The following INTS14 variants were observed in gnomAD, a reference collection of about 807,000 sequenced individuals.
INTS14 encodes UPF0464 protein C15orf44.
INTS14 carries 27 observed loss-of-function variants against 56.9 expected under a neutral mutation model. The ratio of observed to expected loss-of-function variants is 0.47; its 90% CI spans 0.35 to 0.65. INTS14 has a LOEUF of 0.65. Ranked by LOEUF, INTS14 falls within the 30% of genes least tolerant of loss-of-function variation. INTS14 has a pLI of 0.00. For synonymous variants in INTS14, 207 were observed against 236.2 expected (o/e 0.88, Z 1.13); for missense variants, 517 against 632.2 (o/e 0.82, Z 1.95).
At chr15:65,588,339 G>A (rs1221652865) in intron 9 of INTS14, among the ~76,000 whole-genome samples, 3 of 151,604 alleles carry the variant, frequency 2.0e-5, no homozygotes, top group Non-Finnish European at 4.4e-5. Flanking sequence ...GGGAACCCCT[G>A]ACAGAAATAG....
Position 65,584,886 on chromosome 15 carries a change from C to A in INTS14, c.1123G>T (p.Ala375Ser). ...KMAQLGPISD[A>S]KENPYGEDDN... ...TCCTCGCCATAAGGGTTTTCTTTAG[C>A]ATCTTAAAAGAAAAGACATTCTTGA... The change falls in exon 10 of 12, where the codon GCT (alanine) becomes TCT (serine). Residue 375 changes from alanine to serine, a missense_variant and splice_region_variant. Coordinates refer to ENST00000313182, the MANE Select transcript of INTS14 (RefSeq NM_001394796.1). 6.2e-7 allele frequency: 1 copy of A among 1,605,844 alleles called. No homozygotes were observed. The highest frequency in any genetic ancestry group is 8.5e-7 in the Non-Finnish European group (1 of 1,176,402).
chr15:65,598,436 A>G lies in INTS14; in HGVS notation c.633T>C (p.Pro211=). ...FGKLIDLAYT[P]FHAVLKCGHL... ...GGCCACACTTGAGAACAGCATGGAA[A>G]GGCGTATATGCCAAATCTATCAGTT... Residue 211 remains proline (P), a synonymous_variant, in exon 6 of 12, where the codon CCT becomes CCC. Coordinates refer to ENST00000313182, the MANE Select transcript of INTS14 (RefSeq NM_001394796.1). 6.2e-7 allele frequency: 1 copy of G among 1,614,058 alleles called. No individual in the cohort carries two copies. Among genetic ancestry groups the G allele is most frequent in the Non-Finnish European group, 8.5e-7 (1 of 1,179,922 alleles).
intron 3 of INTS14, among the ~76,000 whole-genome samples, chr15:65,600,214 G>A (rs1427564540): frequency 6.6e-6 from 1 of 152,178 alleles, no homozygotes; most frequent in East Asian, 1.9e-4. Flanking sequence ...GGGAGGCTGA[G>A]GTGGGAGGAT....
At chr15:65,584,209 T>C (rs1459667418) in intron 10 of INTS14, among the ~76,000 whole-genome samples, 1 of 152,222 alleles carries the variant, frequency 6.6e-6, no homozygotes, top group African/African-American at 2.4e-5. Flanking sequence ...TTGATAATCA[T>C]ATTATCATAA....
At chr15:65,606,537 G>C (rs1164209171) in intron 2 of INTS14, among the ~76,000 whole-genome samples, 2 of 151,660 alleles carry the variant, frequency 1.3e-5, no homozygotes, top group Non-Finnish European at 2.9e-5. Flanking sequence ...TTACAGGCGT[G>C]AGCCACCACA....
intron 9 of INTS14, among the ~76,000 whole-genome samples, chr15:65,588,079 G>A (rs919234759): frequency 4.6e-5 from 7 of 151,894 alleles, no homozygotes; most frequent in Non-Finnish European, 7.4e-5. Context: ...CTTGAGGTCA[G>A]GAGTTTTGAG....
At chr15:65,603,296 T>C (rs1000855608) in intron 3 of INTS14, among the ~76,000 whole-genome samples, 16 of 152,244 alleles carry the variant, frequency 1.1e-4, no homozygotes, top group African/African-American at 3.9e-4. Flanking sequence ...GTGAGTTTAT[T>C]GAGATATAAC....
intron 1 of INTS14, among the ~76,000 whole-genome samples, chr15:65,609,800 A>G (rs1432711266): frequency 6.6e-6 from 1 of 152,092 alleles, no homozygotes; most frequent in Non-Finnish European, 1.5e-5. Flanking sequence ...GGAGAATGGG[A>G]GGAAACAGTT....
chr15:65,604,056 G>A (rs1043554833), intron 3 of INTS14, among the ~76,000 whole-genome samples: 1 of 152,146 alleles, frequency 6.6e-6, no homozygotes, highest in African/African-American at 2.4e-5. Context: ...GTGGCCTACT[G>A]TGGAGTCTAA....
intron 3 of INTS14, among the ~76,000 whole-genome samples, chr15:65,602,005 AAGG>A (rs2073452088): frequency 6.6e-6 from 1 of 152,022 alleles, no homozygotes; most frequent in African/African-American, 2.4e-5. Context: ...CACTTGAGGC[AAGG>A]AGTTCAAGAC....
At chr15:65,610,849 G>A in intron 1 of INTS14, 2 of 1,530,440 alleles carry the variant, frequency 1.3e-6, no homozygotes, top group Non-Finnish European at 1.7e-6. Flanking sequence ...TGGAAAGAGG[G>A]GGCAGAGGGG....
chr15:65,594,317 A>C (rs1403454559), intron 7 of INTS14, among the ~76,000 whole-genome samples: 3 of 152,072 alleles, frequency 2.0e-5, no homozygotes, highest in African/African-American at 7.2e-5. Context: ...AACAGGAAGA[A>C]TTAGCCCAGT....
At chr15:65,600,124 AG>A (rs1361517143) in intron 3 of INTS14, among the ~76,000 whole-genome samples, 195 bp from the exon 4 acceptor site, 1 of 151,732 alleles carries the variant, frequency 6.6e-6, no homozygotes, top group East Asian at 1.9e-4. Flanking sequence ...GGGCAACATA[AG>A]GAGACCCCAT....
intron 9 of INTS14, among the ~76,000 whole-genome samples, chr15:65,589,560 C>A (rs568698013): frequency 1.2e-4 from 18 of 152,320 alleles, no homozygotes; most frequent in African/African-American, 4.3e-4. Context: ...GGCTACCATG[C>A]TACAGAGCAC....
At chr15:65,610,934 G>A (rs780229175) in intron 1 of INTS14, 164 bp downstream of exon 1, 1 of 1,466,112 alleles carries the variant, frequency 6.8e-7, no homozygotes, top group Non-Finnish European at 9.0e-7. Context: ...GGGAGGCCGG[G>A]AGCAGCGCCC....
chr15:65,597,493 C>T (rs2073255903), intron 6 of INTS14, among the ~76,000 whole-genome samples: 1 of 152,218 alleles, frequency 6.6e-6, no homozygotes, highest in Non-Finnish European at 1.5e-5. Flanking sequence ...CTATTTTTGA[C>T]TCTTCACTTT....
intron 6 of INTS14, 59 bp from the exon 7 acceptor site, chr15:65,595,884 C>T (rs2073194073): frequency 7.5e-7 from 1 of 1,331,292 alleles, no homozygotes; most frequent in Admixed American, 2.2e-5. Flanking sequence ...CATTATTTTC[C>T]ATGTATTACA....
intron 9 of INTS14, among the ~76,000 whole-genome samples, chr15:65,587,522 A>C (rs550949976): frequency 6.6e-6 from 1 of 152,354 alleles, no homozygotes; most frequent in East Asian, 1.9e-4. Flanking sequence ...TAACATTTAC[A>C]TCATGTAACA....
At position 65,582,029 on chromosome 15, in the gene INTS14, G is replaced by T; in HGVS notation, c.1240-10C>A. The T allele has an allele frequency of 6.4e-7, 1 of 1,561,110 alleles. No individual in the cohort carries two copies. Among genetic ancestry groups the T allele is most frequent in the Non-Finnish European group, 8.6e-7 (1 of 1,159,134 alleles). On this transcript the variant is annotated splice_polypyrimidine_tract_variant and intron_variant, in intron 10 of 11. Transcript: ENST00000313182. ...TCTTCTGTACATCTGTCTATTAAGG[G>T]TAAAAAAAAAAATCCAACATTAGAA...
Sources: allele counts gnomAD v4.1 joint callset (sites outside exome capture counted in the v4.1 genomes callset), GRCh38; gene constraint gnomAD v4.1.1; transcripts MANE v1.5; gene names NCBI Gene and HGNC (gene_info 2026-07-23, HGNC 2026-07-21).